Variants in RAB3GAP1 observed in about 807,000 individuals in gnomAD.
RAB3GAP1 encodes the protein rab3 GTPase-activating protein catalytic subunit.
RAB3GAP1 carries 86 observed loss-of-function variants against 130.7 expected under a neutral mutation model. That is an observed-to-expected ratio of 0.66 (90% CI 0.55 to 0.79). The LOEUF is 0.79. Among genes scored for constraint, RAB3GAP1 ranks in the 30% least tolerant of loss-of-function variants. The pLI, the probability that RAB3GAP1 is intolerant of heterozygous loss-of-function variation, is 0.00. For synonymous variants in RAB3GAP1, 367 were observed against 401.7 expected, an observed-to-expected ratio of 0.91 and a Z score of 1.03; for missense variants, 1,029 against 1,169.4, an observed-to-expected ratio of 0.88 and a Z score of 1.75.
Position 135,168,963 on chromosome 2 carries a change from G to A in RAB3GAP1, c.*182G>A. ...GCTTGAGCTGTGTCGTTTCGTGGAG[G>A]GGGCAGCGAGGATGGGCTTGAGCTG... On this transcript the variant is annotated 3_prime_UTR_variant, in exon 24 of 24. Transcript: ENST00000264158. The A allele has an allele frequency of 1.5e-6, 1 of 671,300 alleles. No individual in the cohort carries two copies. The highest frequency in any genetic ancestry group is 1.6e-5 in the South Asian group (1 of 61,504). The allele number at this position is 671,300 out of a possible 1,614,324, so 41.6% of individuals were successfully genotyped here.
chr2:135,130,862 T>G (rs113339811), intron 13 of RAB3GAP1, 141 bp downstream of exon 13: 2 of 787,004 alleles, frequency 2.5e-6, no homozygotes. Flanking sequence ...TTCCTACTAG[T>G]TTAGTGGTGA....
chr2:135,137,730 T>C (rs562568649), intron 17 of RAB3GAP1, among the ~76,000 whole-genome samples: 21 of 152,168 alleles, frequency 1.4e-4, no homozygotes, highest in Non-Finnish European at 7.4e-5. Flanking sequence ...TGTTCAAAAA[T>C]AGTTTGAAGT....
intron 23 of RAB3GAP1, among the ~76,000 whole-genome samples, chr2:135,165,541 A>G (rs889222894): frequency 1.3e-5 from 2 of 152,236 alleles, no homozygotes; most frequent in Non-Finnish European, 2.9e-5. Context: ...CTGGAGTACA[A>G]CTAGTTAATA....
chr2:135,064,840 C>T (rs1299023761), intron 3 of RAB3GAP1, among the ~76,000 whole-genome samples: 2 of 144,676 alleles, frequency 1.4e-5, no homozygotes, highest in Non-Finnish European at 3.0e-5. Context: ...ATGTAGTCTA[C>T]ATTTTATTTA....
intron 3 of RAB3GAP1, among the ~76,000 whole-genome samples, chr2:135,066,404 GTTAAC>G (rs1558759754): frequency 6.6e-6 from 1 of 152,214 alleles, no homozygotes; most frequent in Admixed American, 6.5e-5. Flanking sequence ...GACTGTGTCT[GTTAAC>G]TTAATCCTTA....
intron 10 of RAB3GAP1, 107 bp from the exon 11 acceptor site, chr2:135,126,476 A>C: frequency 8.7e-7 from 1 of 1,146,032 alleles, no homozygotes; most frequent in South Asian, 1.2e-5. Flanking sequence ...GGGAGGCTAA[A>C]TGGATTGCTT....
chr2:135,082,256 T>TA (rs1689846890), intron 3 of RAB3GAP1, among the ~76,000 whole-genome samples: 1 of 152,166 alleles, frequency 6.6e-6, no homozygotes, highest in Non-Finnish European at 1.5e-5. Flanking sequence ...AGTATATTGA[T>TA]AGAGTTGTCA....
intron 5 of RAB3GAP1, among the ~76,000 whole-genome samples, chr2:135,108,245 A>C (rs1407530502): frequency 1.3e-5 from 2 of 152,254 alleles, no homozygotes; most frequent in East Asian, 3.8e-4. Context: ...TCTGTTATTC[A>C]GATGAAACAG....
At chr2:135,105,961 G>A (rs1399229144) in intron 5 of RAB3GAP1, among the ~76,000 whole-genome samples, 1 of 149,026 alleles carries the variant, frequency 6.7e-6, no homozygotes, top group African/African-American at 2.5e-5. Flanking sequence ...CTCGGCAGCC[G>A]CCCCGTCTGA....
chr2:135,130,854 C>A, intron 13 of RAB3GAP1, 133 bp downstream of exon 13: 1 of 839,288 alleles, frequency 1.2e-6, no homozygotes, highest in South Asian at 1.7e-5. Flanking sequence ...TTAGAAAATT[C>A]CTACTAGTTT....
chr2:135,117,690 T>TTTG (rs1691055393), intron 7 of RAB3GAP1, among the ~76,000 whole-genome samples: 1 of 134,700 alleles, frequency 7.4e-6, no homozygotes, highest in African/African-American at 2.9e-5. Context: ...TTCTGCTTCT[T>TTTG]CTTCTGCTTC....
chr2:135,175,456 G>C (rs1396591460), downstream of RAB3GAP1: 1 of 152,250 alleles, frequency 6.6e-6, no homozygotes, highest in East Asian at 1.9e-4. Context: ...CAGCTGGGTT[G>C]TAATGGAAAC....
intron 5 of RAB3GAP1, among the ~76,000 whole-genome samples, chr2:135,105,234 TC>T (rs1262391197): frequency 6.1e-5 from 1 of 16,484 alleles, no homozygotes; most frequent in African/African-American, 2.3e-4. Context: ...CCCCTCCCGC[TC>T]CCCCCTTCCC....
chr2:135,112,404 A>G (rs1690829784), intron 5 of RAB3GAP1, among the ~76,000 whole-genome samples: 1 of 152,240 alleles, frequency 6.6e-6, no homozygotes, highest in African/African-American at 2.4e-5. Context: ...TCAAGCTGAA[A>G]GAGAAACACT....
chr2:135,123,025 A>C (rs982694958), intron 8 of RAB3GAP1, among the ~76,000 whole-genome samples: 1 of 152,118 alleles, frequency 6.6e-6, no homozygotes, highest in Non-Finnish European at 1.5e-5. Flanking sequence ...CACCGTGCCC[A>C]GCCCAAGACA....
At chr2:135,093,552 ATGTTATAAAACTC>A in intron 4 of RAB3GAP1, 50 bp from the exon 5 acceptor site, 2 of 1,221,998 alleles carry the variant, frequency 1.6e-6, no homozygotes, top group South Asian at 2.4e-5. Context: ...TCCTCAAAGC[ATGTTATAAAACTC>A]TGCCTGATCA....
chr2:135,078,024 G>T (rs913883492), intron 3 of RAB3GAP1, among the ~76,000 whole-genome samples: 2 of 152,078 alleles, frequency 1.3e-5, no homozygotes, highest in Non-Finnish European at 1.5e-5. Context: ...TAGTGTACTT[G>T]ATGCACAAAA....
chr2:135,069,658 A>G (rs1689414556), intron 3 of RAB3GAP1, among the ~76,000 whole-genome samples: 1 of 152,152 alleles, frequency 6.6e-6, no homozygotes, highest in African/African-American at 2.4e-5. Flanking sequence ...GTCATAAAAG[A>G]TTCTTCATCA....
chr2:135,117,793 C>CTTCTTCTTTCTTCTTCT (rs2104923146), intron 7 of RAB3GAP1, among the ~76,000 whole-genome samples: 1 of 149,732 alleles, frequency 6.7e-6, no homozygotes, highest in African/African-American at 2.5e-5. Flanking sequence ...TCTGCTTCTT[C>CTTCTTCTTTCTTCTTCT]TTCTTCTTCT....
Sources: allele counts gnomAD v4.1 joint callset (sites outside exome capture counted in the v4.1 genomes callset), GRCh38; gene constraint gnomAD v4.1.1; transcripts MANE v1.5; gene names NCBI Gene and HGNC (gene_info 2026-07-23, HGNC 2026-07-21).